Variants in CSMD1 observed in about 807,000 individuals in gnomAD.
The protein encoded by CSMD1 is CUB and Sushi multiple domains 1.
In CSMD1, 213 loss-of-function variants were observed where a neutral mutation model predicts 417.5. The ratio of observed to expected loss-of-function variants is 0.51; its 90% CI spans 0.46 to 0.57. CSMD1 has a LOEUF of 0.57. CSMD1 is among the 20% of genes least tolerant of loss of function. The probability of loss-of-function intolerance (pLI) is 0.00; values close to 1 mark genes in which losing one functional copy is unlikely to be tolerated. For synonymous variants in CSMD1, 2,862 were observed against 1,736.8 expected (o/e 1.65, Z -16.11); for missense variants, 6,923 against 4,529.7 (o/e 1.53, Z -15.17).
intron 1 of CSMD1, among the ~76,000 whole-genome samples, chr8:4,750,283 A>G (rs1457486128): frequency 6.6e-6 from 1 of 152,178 alleles, no homozygotes; most frequent in East Asian, 1.9e-4. Flanking sequence ...CTGGGATTAC[A>G]GGGTGAACCA....
At chr8:4,711,611 G>C (rs1808303449) in intron 1 of CSMD1, among the ~76,000 whole-genome samples, 1 of 151,980 alleles carries the variant, frequency 6.6e-6, no homozygotes, top group South Asian at 2.1e-4. Flanking sequence ...AATATAGTCT[G>C]TAAGAGAATT....
chr8:4,486,276 T>TAC (rs1209006853), intron 2 of CSMD1, among the ~76,000 whole-genome samples: 1 of 140,996 alleles, frequency 7.1e-6, no homozygotes, highest in African/African-American at 2.7e-5. Context: ...TATATATATA[T>TAC]ACGCACACGC....
intron 4 of CSMD1, among the ~76,000 whole-genome samples, chr8:4,020,216 C>A (rs935715433): frequency 4.6e-5 from 7 of 152,180 alleles, no homozygotes; most frequent in African/African-American, 1.7e-4. Context: ...TGAGGCCAGA[C>A]AGATTAAATA....
chr8:4,112,370 C>A (rs982299491), intron 3 of CSMD1, among the ~76,000 whole-genome samples: 1 of 152,168 alleles, frequency 6.6e-6, no homozygotes. Flanking sequence ...TCGCAGAGAA[C>A]CCATCCAGGA....
At chr8:3,622,002 T>C (rs1339892841) in intron 7 of CSMD1, among the ~76,000 whole-genome samples, 1 of 151,526 alleles carries the variant, frequency 6.6e-6, no homozygotes, top group Non-Finnish European at 1.5e-5. Flanking sequence ...TGTGTGTGTG[T>C]GTGTGTGTGT....
intron 5 of CSMD1, among the ~76,000 whole-genome samples, chr8:3,852,439 G>A (rs983589891): frequency 2.0e-5 from 3 of 152,160 alleles, no homozygotes; most frequent in Non-Finnish European, 4.4e-5. Flanking sequence ...TCAAGACGTC[G>A]GGAAGAGGGT....
rs537898034 is a variant in CSMD1 at position 4,354,073 on chromosome 8, C to G, written c.415+65880G>C. Among the ~76,000 whole-genome samples the G allele has an allele frequency of 3.9e-5, 6 of 152,296 alleles. No homozygotes were observed. The East Asian group carries it at 5.8e-4, about 15-fold the overall frequency. ...TGCAGCTATATATCATTTCAGAAAT[C>G]TGCATGGCAATATTGCTTCCATATT... is the stretch of plus-strand genomic sequence containing the variant. On this transcript the variant is annotated intron_variant, in intron 3 of 69. Coordinates refer to ENST00000635120, the MANE Select transcript of CSMD1 (RefSeq NM_033225.6).
chr8:4,028,725 G>C (rs1475745434), intron 4 of CSMD1, among the ~76,000 whole-genome samples: 2 of 152,116 alleles, frequency 1.3e-5, no homozygotes, highest in South Asian at 2.1e-4. Flanking sequence ...TTTTAAATGA[G>C]TGTTAATAAT....
intron 8 of CSMD1, among the ~76,000 whole-genome samples, chr8:3,611,144 A>G (rs912881736): frequency 7.2e-4 from 109 of 151,460 alleles, no homozygotes; most frequent in Non-Finnish European, 8.5e-4. Flanking sequence ...ATGACGAGTT[A>G]ATGGCTGCAG....
At chr8:3,256,749 C>G (rs1015879507) in intron 26 of CSMD1, among the ~76,000 whole-genome samples, 12 of 152,214 alleles carry the variant, frequency 7.9e-5, no homozygotes, top group African/African-American at 2.9e-4. Flanking sequence ...TAAATCCTGA[C>G]TCAGAAAAGG....
intron 2 of CSMD1, among the ~76,000 whole-genome samples, chr8:4,530,578 A>C (rs1309384296): frequency 3.3e-5 from 5 of 149,442 alleles, no homozygotes; most frequent in African/African-American, 1.2e-4. Flanking sequence ...CCCACTTATG[A>C]GTGAGGAACA....
chr8:4,928,276 G>A (rs1424990558), intron 1 of CSMD1, among the ~76,000 whole-genome samples: 1 of 152,110 alleles, frequency 6.6e-6, no homozygotes, highest in Non-Finnish European at 1.5e-5. Context: ...AGAACAAACT[G>A]TCCTGACCTC....
intron 2 of CSMD1, among the ~76,000 whole-genome samples, chr8:4,423,696 G>T (rs757247961): frequency 6.6e-6 from 1 of 151,564 alleles, no homozygotes; most frequent in Admixed American, 6.6e-5. Flanking sequence ...TGGGTATATA[G>T]CAAGATCTTT....
chr8:4,395,448 C>G (rs1259603116), intron 3 of CSMD1, among the ~76,000 whole-genome samples: 2 of 151,826 alleles, frequency 1.3e-5, no homozygotes, highest in Non-Finnish European at 2.9e-5. Context: ...AGTCTCTCAT[C>G]AAGAATAGCA....
intron 23 of CSMD1, among the ~76,000 whole-genome samples, chr8:3,319,954 T>C (rs1806042560): frequency 2.0e-5 from 3 of 152,194 alleles, no homozygotes; most frequent in African/African-American, 7.2e-5. Context: ...TAATTTATTG[T>C]TATCACCTTA....
chr8:3,749,002 A>C (rs1797190114), intron 6 of CSMD1, among the ~76,000 whole-genome samples: 1 of 152,224 alleles, frequency 6.6e-6, no homozygotes, highest in Non-Finnish European at 1.5e-5. Context: ...ATTTTATGAA[A>C]ATTGTAATTT....
At position 3,383,575 on chromosome 8, in the gene CSMD1, G is replaced by T. The variant is rs562145746; in HGVS notation, c.2782+3919C>A. ...CACGAATGAAAACAGTGAAATATGG[G>T]ACTATCTTAAAATTAAAAATTTCTA... On this transcript the variant is annotated intron_variant, in intron 18 of 69. Coordinates refer to ENST00000635120, the MANE Select transcript of CSMD1 (RefSeq NM_033225.6). Among the ~76,000 whole-genome samples the T allele has an allele frequency of 7.1e-4, 108 of 152,300 alleles. 2 individuals are homozygous for T. The South Asian group carries it at 0.022, about 32-fold the overall frequency.
intron 3 of CSMD1, among the ~76,000 whole-genome samples, chr8:4,181,247 C>T (rs1173686193): frequency 2.0e-5 from 3 of 152,134 alleles, no homozygotes; most frequent in Admixed American, 6.6e-5. Flanking sequence ...TATAGCCATA[C>T]CACCCTGAAC....
At position 4,861,049 on chromosome 8, in the gene CSMD1, C is replaced by T. The variant is rs147807979; in HGVS notation, c.85+133283G>A. ...TTATTTATCTATGTCTCCTTTTCCT[C>T]TAAAAGCTCCTTTTGTTCTAAAGCT... is the stretch of plus-strand genomic sequence containing the variant. On this transcript the variant is annotated intron_variant, in intron 1 of 69. Coordinates refer to ENST00000635120, the MANE Select transcript of CSMD1 (RefSeq NM_033225.6). Among the ~76,000 whole-genome samples the T allele has an allele frequency of 2.6e-3, 399 of 152,220 alleles. 3 individuals carry two copies. The highest frequency in any genetic ancestry group is 3.5e-3 in the Non-Finnish European group (238 of 68,000).
Sources: gnomAD v4.1 joint callset for allele counts (sites outside exome capture counted in the v4.1 genomes callset) on GRCh38, gnomAD v4.1.1 for gene constraint, MANE v1.5 for transcripts, NCBI Gene and HGNC (gene_info 2026-07-23, HGNC 2026-07-21) for gene names.